ZNF521: variants seen among roughly 807,000 people sequenced by gnomAD.
The protein encoded by ZNF521 is LYST-interacting protein 3.
ZNF521 carries 14 observed loss-of-function variants against 105.5 expected under a neutral mutation model. The ratio of observed to expected loss-of-function variants is 0.13; its 90% confidence interval spans 0.09 to 0.21. The LOEUF (loss-of-function observed/expected upper bound fraction) is 0.21, where lower values mean the gene tolerates loss of function less well. ZNF521 is among the 10% of genes least tolerant of loss of function. The probability of loss-of-function intolerance (pLI) is 1.00; values close to 1 mark genes in which losing one functional copy is unlikely to be tolerated. For missense variants in ZNF521, 1,233 were observed against 1,629.7 expected, an observed-to-expected ratio of 0.76 and a Z score of 4.19; for synonymous variants, 635 against 606.0, an observed-to-expected ratio of 1.05 and a Z score of -0.70.
At chr18:25,270,887 C>G (rs1187040081) in intron 3 of ZNF521, among the ~76,000 whole-genome samples, 2 of 152,184 alleles carry the variant, frequency 1.3e-5, no homozygotes, top group Non-Finnish European at 2.9e-5. Flanking sequence ...TGCCCTCTCA[C>G]AACTCCTGTT....
chr18:25,346,314 C>G (rs939212709), intron 2 of ZNF521, among the ~76,000 whole-genome samples: 15 of 151,620 alleles, frequency 9.9e-5, no homozygotes, highest in African/African-American at 2.9e-4. Context: ...CCTGTCTACC[C>G]GTAAGTATAT....
chr18:25,280,615 G>C (rs2144985558), intron 3 of ZNF521, among the ~76,000 whole-genome samples: 2 of 152,140 alleles, frequency 1.3e-5, no homozygotes, highest in Admixed American at 1.3e-4. Flanking sequence ...TTCAAAGTGA[G>C]AAACAAAGAA....
chr18:25,196,621 T>C (rs1464437206), intron 4 of ZNF521, among the ~76,000 whole-genome samples: 1 of 151,706 alleles, frequency 6.6e-6, no homozygotes, highest in Admixed American at 6.6e-5. Context: ...ATTAGGCATA[T>C]TGCGAACTGA....
At chr18:25,125,846 A>T (rs1237393847) in intron 5 of ZNF521, among the ~76,000 whole-genome samples, 1 of 151,734 alleles carries the variant, frequency 6.6e-6, no homozygotes, top group East Asian at 1.9e-4. Context: ...TTTAATGTGG[A>T]TATTAGTCCA....
Position 25,225,267 on chromosome 18 carries a change from G to T in ZNF521, c.2651C>A (p.Pro884His), listed in dbSNP as rs777983209. 6.2e-7 allele frequency: 1 copy of T among 1,614,084 alleles called. No individual in the cohort carries two copies. Among genetic ancestry groups the T allele is most frequent in the Non-Finnish European group, 8.5e-7 (1 of 1,180,018 alleles). Residue 884 changes from proline to histidine, a missense_variant, in exon 4 of 8, where the codon CCT becomes CAT. This residue lies in a region of ZNF521 where 614 missense variants were observed against 751.5 expected (regional missense o/e 0.82). Coordinates refer to ENST00000361524, the MANE Select transcript of ZNF521 (RefSeq NM_015461.3). The surrounding 1 kb of genome is among the most constrained non-coding windows in gnomAD (Gnocchi z 5.6). The stretch of plus-strand genomic sequence containing the variant: ...CCCACAAATGTCGCAGCCGTACATA[G>T]GCTCAGAGGTGTCAACGTCTTCTTC... ...GSEEDVDTSEPMYGCDICGAA... is the reference protein window; with the variant it reads ...GSEEDVDTSEHMYGCDICGAA...
intron 3 of ZNF521, among the ~76,000 whole-genome samples, chr18:25,289,019 C>T (rs1910862996): frequency 6.6e-6 from 1 of 152,116 alleles, no homozygotes; most frequent in Non-Finnish European, 1.5e-5. Flanking sequence ...AAGGCAATAG[C>T]CAAAACTATA....
At chr18:25,176,581 T>C (rs1201881418) in intron 5 of ZNF521, among the ~76,000 whole-genome samples, 1 of 152,208 alleles carries the variant, frequency 6.6e-6, no homozygotes, top group Non-Finnish European at 1.5e-5. Context: ...TTAATTACTC[T>C]CTTCGCTGGA....
chr18:25,103,234 C>T (rs1394278243), intron 5 of ZNF521, among the ~76,000 whole-genome samples: 1 of 152,170 alleles, frequency 6.6e-6, no homozygotes, highest in East Asian at 1.9e-4. Context: ...GAAATCTTCC[C>T]GATTATACAA....
At chr18:25,091,849 A>C (rs2033754173) in intron 6 of ZNF521, 101 bp downstream of exon 6, 2 of 1,417,296 alleles carry the variant, frequency 1.4e-6, no homozygotes, top group Non-Finnish European at 1.9e-6. Flanking sequence ...AACTGAAGTC[A>C]TGTCTGTAAA....
intron 4 of ZNF521, 60 bp from the exon 5 acceptor site, chr18:25,195,304 T>A: frequency 7.4e-7 from 1 of 1,343,954 alleles, no homozygotes; most frequent in Non-Finnish European, 1.0e-6. Flanking sequence ...TGTTTCTTTG[T>A]TTAAAAAACA....
At chr18:25,123,818 T>C (rs1567972344) in intron 5 of ZNF521, among the ~76,000 whole-genome samples, 1 of 152,236 alleles carries the variant, frequency 6.6e-6, no homozygotes, top group East Asian at 1.9e-4. Flanking sequence ...AGAAACATTT[T>C]TGCCAGATGC....
intron 5 of ZNF521, among the ~76,000 whole-genome samples, chr18:25,178,530 C>G (rs540211429): frequency 1.3e-5 from 2 of 152,300 alleles, no homozygotes; most frequent in African/African-American, 4.8e-5. Flanking sequence ...ACGATTTACC[C>G]TGAATTTATC....
chr18:25,204,187 C>A (rs2036039936), intron 4 of ZNF521, among the ~76,000 whole-genome samples: 1 of 152,062 alleles, frequency 6.6e-6, no homozygotes, highest in Admixed American at 6.6e-5. Flanking sequence ...TTCTTTATAG[C>A]AATGCAAGAA....
chr18:25,267,072 A>T (rs958672377), intron 3 of ZNF521, among the ~76,000 whole-genome samples: 6 of 152,110 alleles, frequency 3.9e-5, no homozygotes, highest in African/African-American at 1.4e-4. Flanking sequence ...TTGACCTGGG[A>T]TGCTTGAGCT....
intron 3 of ZNF521, among the ~76,000 whole-genome samples, chr18:25,256,636 C>G (rs1052491596): frequency 6.6e-6 from 1 of 151,946 alleles, no homozygotes; most frequent in Non-Finnish European, 1.5e-5. Flanking sequence ...AGGCCCCCTA[C>G]AGGAGCGAAG....
chr18:25,224,900 A>G lies in ZNF521; in HGVS notation c.3018T>C (p.His1006=), dbSNP rs764257839. Residue 1006 remains histidine, a synonymous_variant, in exon 4 of 8, where the codon CAT becomes CAC. Coordinates refer to ENST00000361524, the MANE Select transcript of ZNF521 (RefSeq NM_015461.3). Reference sequence around the variant, plus strand: ...TCCTCAAGTCAGGGTGCATTTGGCAATGCTCTAAAAACTCCTCTTCACTCT... The same window carrying G: ...TCCTCAAGTCAGGGTGCATTTGGCAGTGCTCTAAAAACTCCTCTTCACTCT... ...PLQSEEEFLE[H]CQMHPDLRNS... is the part of the protein sequence containing the mutation. 2 of 1,613,868 alleles carry G rather than the reference A, an allele frequency of 1.2e-6. No homozygotes were observed. The highest frequency in any genetic ancestry group is 1.7e-6 in the Non-Finnish European group (2 of 1,180,028).
intron 3 of ZNF521, among the ~76,000 whole-genome samples, chr18:25,298,714 AT>A (rs1395792753): frequency 6.6e-6 from 1 of 152,192 alleles, no homozygotes; most frequent in Non-Finnish European, 1.5e-5. Flanking sequence ...AACAATAATC[AT>A]GATGAAAGGC....
Position 25,270,861 on chromosome 18 carries a change from C to T in ZNF521, c.221-43164G>A, listed in dbSNP as rs547559707. ...AACTGGAAGCATTCCCTTTGAAAACCGGCACAACACAAGGATGCCCTCTCA... is the reference window on the plus strand; with the variant it reads ...AACTGGAAGCATTCCCTTTGAAAACTGGCACAACACAAGGATGCCCTCTCA... On this transcript the variant is annotated intron_variant, in intron 3 of 7. Coordinates refer to ENST00000361524, the MANE Select transcript of ZNF521 (RefSeq NM_015461.3). Among the ~76,000 whole-genome samples the T allele has an allele frequency of 1.3e-4, 20 of 152,142 alleles. No individual in the cohort carries two copies. In the South Asian group the frequency reaches 2.3e-3, roughly 17 times the overall value.
At chr18:25,336,369 T>G (rs182168656) in intron 2 of ZNF521, among the ~76,000 whole-genome samples, 33 of 152,322 alleles carry the variant, frequency 2.2e-4, no homozygotes, top group Non-Finnish European at 2.1e-4. Context: ...TCTGCTATGA[T>G]TAAACTTTCA....
Sources: allele counts gnomAD v4.1 joint callset (sites outside exome capture counted in the v4.1 genomes callset), GRCh38; gene constraint gnomAD v4.1.1; regional missense constraint gnomAD v4.1.1; non-coding constraint Gnocchi (gnomAD v3.1); transcripts MANE v1.5; gene names NCBI Gene and HGNC (gene_info 2026-07-23, HGNC 2026-07-21).